Variants in MTA3 observed in about 807,000 individuals in gnomAD.
MTA3 encodes the protein metastasis associated 1 family member 3.
Under a neutral mutation model 83.5 loss-of-function variants are expected in MTA3, and 34 were observed. The ratio of observed to expected loss-of-function variants is 0.41; its 90% confidence interval spans 0.31 to 0.54. The LOEUF (loss-of-function observed/expected upper bound fraction) is 0.54, where lower values mean the gene tolerates loss of function less well. Among genes scored for constraint, MTA3 ranks in the 20% least tolerant of loss-of-function variants. The pLI is 0.33. For synonymous variants in MTA3, 303 were observed against 252.7 expected, an observed-to-expected ratio of 1.20 and a Z score of -1.89; for missense variants, 761 against 726.4, an observed-to-expected ratio of 1.05 and a Z score of -0.55.
chr2:42,712,827 A>C (rs1666732182), intron 14 of MTA3: 1 of 152,172 alleles, frequency 6.6e-6, no homozygotes, highest in Admixed American at 6.5e-5. Flanking sequence ...AACACAAATT[A>C]GTGAAGTGTT....
intron 6 of MTA3, among the ~76,000 whole-genome samples, chr2:42,646,829 T>C (rs1440813519): frequency 6.6e-6 from 1 of 152,034 alleles, no homozygotes; most frequent in East Asian, 1.9e-4. Flanking sequence ...GGCAAAGCAG[T>C]GGCAGGGTTT....
chr2:42,626,324 GT>G (rs1262413224), intron 4 of MTA3, among the ~76,000 whole-genome samples: 1 of 150,944 alleles, frequency 6.6e-6, no homozygotes, highest in Admixed American at 6.6e-5. Flanking sequence ...TTGATTCGGA[GT>G]CTCACTCTGT....
chr2:42,668,142 A>G (rs1690465390), intron 8 of MTA3, among the ~76,000 whole-genome samples: 3 of 152,320 alleles, frequency 2.0e-5, no homozygotes, highest in Admixed American at 1.3e-4. Flanking sequence ...TGATACGTGT[A>G]ACCAAGGATT....
chr2:42,513,927 G>A (rs551341368), intron 2 of MTA3, among the ~76,000 whole-genome samples: 43 of 152,282 alleles, frequency 2.8e-4, no homozygotes, highest in African/African-American at 9.4e-4. Context: ...AGAATCCCAA[G>A]TCTAGGCCAG....
chr2:42,583,341 G>A (rs1248897346), intron 3 of MTA3, among the ~76,000 whole-genome samples: 1 of 152,126 alleles, frequency 6.6e-6, no homozygotes, highest in African/African-American at 2.4e-5. Flanking sequence ...ATTTCTGTTG[G>A]TATTGACTAA....
intron 2 of MTA3, among the ~76,000 whole-genome samples, chr2:42,513,618 C>T (rs2103674094): frequency 6.6e-6 from 1 of 152,250 alleles, no homozygotes; most frequent in East Asian, 1.9e-4. Context: ...ATTTGGCCAG[C>T]CACATAGGAC....
chr2:42,595,356 T>A (rs1429446932), intron 3 of MTA3, among the ~76,000 whole-genome samples: 1 of 151,910 alleles, frequency 6.6e-6, no homozygotes, highest in Non-Finnish European at 1.5e-5. Context: ...GTGATCTGCC[T>A]GCCTCGGCCT....
At chr2:42,606,974 C>A (rs931587105) in intron 3 of MTA3, among the ~76,000 whole-genome samples, 47 of 150,570 alleles carry the variant, frequency 3.1e-4, no homozygotes, top group African/African-American at 1.0e-3. Context: ...CAGACTGAGG[C>A]AGGAGAATCA....
chr2:42,642,164 C>T (rs1558534246), intron 5 of MTA3, among the ~76,000 whole-genome samples: 1 of 152,214 alleles, frequency 6.6e-6, no homozygotes, highest in East Asian at 1.9e-4. Context: ...TTTTTTACAA[C>T]TTCTATTATA....
intron 2 of MTA3, among the ~76,000 whole-genome samples, chr2:42,561,015 C>T (rs371859478): frequency 3.9e-5 from 6 of 152,128 alleles, no homozygotes; most frequent in East Asian, 1.9e-4. Context: ...CATGGCCCAC[C>T]GGTCCCTATG....
intron 2 of MTA3, among the ~76,000 whole-genome samples, chr2:42,546,333 GTGT>G (rs1355167097): frequency 4.6e-5 from 7 of 152,272 alleles, no homozygotes; most frequent in Middle Eastern, 6.8e-3. Flanking sequence ...GAAGAAGCCT[GTGT>G]AGGATGCTGG....
At chr2:42,626,726 A>G (rs1250430153) in intron 4 of MTA3, among the ~76,000 whole-genome samples, 1 of 152,058 alleles carries the variant, frequency 6.6e-6, no homozygotes, top group African/African-American at 2.4e-5. Context: ...TTTTCCTAGT[A>G]TTAGCTCCTT....
chr2:42,662,794 C>T (rs923347179), intron 8 of MTA3, among the ~76,000 whole-genome samples: 10 of 149,172 alleles, frequency 6.7e-5, no homozygotes, highest in Non-Finnish European at 1.3e-4. Flanking sequence ...TGCAGTGGTG[C>T]GATCTCGGCT....
At chr2:42,621,121 C>A (rs1573333047) in intron 4 of MTA3, among the ~76,000 whole-genome samples, 1 of 119,748 alleles carries the variant, frequency 8.4e-6, no homozygotes, top group African/African-American at 3.0e-5. Flanking sequence ...AACAATGTTA[C>A]TCTTATTAGA....
intron 3 of MTA3, among the ~76,000 whole-genome samples, chr2:42,587,700 C>G (rs1188889888): frequency 6.6e-6 from 1 of 152,050 alleles, no homozygotes; most frequent in Non-Finnish European, 1.5e-5. Flanking sequence ...GGTAGGGATT[C>G]AAGTGATTCT....
At chr2:42,693,399 G>A (rs1693090684) in intron 9 of MTA3, among the ~76,000 whole-genome samples, 1 of 152,208 alleles carries the variant, frequency 6.6e-6, no homozygotes, top group Admixed American at 6.5e-5. Flanking sequence ...AAAAACCTTA[G>A]AAATTTGCCT....
intron 2 of MTA3, among the ~76,000 whole-genome samples, chr2:42,509,528 G>A (rs953820224): frequency 6.6e-6 from 1 of 152,126 alleles, no homozygotes; most frequent in Non-Finnish European, 1.5e-5. Context: ...TCAGCACTTT[G>A]GGAGACCAAG....
At chr2:42,519,722 G>A (rs985425238) in intron 2 of MTA3, among the ~76,000 whole-genome samples, 1 of 151,870 alleles carries the variant, frequency 6.6e-6, no homozygotes, top group Non-Finnish European at 1.5e-5. Context: ...GCAACATAAC[G>A]ATACCTTCAT....
intron 8 of MTA3, among the ~76,000 whole-genome samples, chr2:42,671,895 G>T (rs565715178): frequency 1.3e-5 from 2 of 152,124 alleles, no homozygotes; most frequent in African/African-American, 4.8e-5. Context: ...CATCAGACTA[G>T]TAAAAAAGGA....
Sources: gnomAD v4.1 joint callset for allele counts (sites outside exome capture counted in the v4.1 genomes callset) on GRCh38, gnomAD v4.1.1 for gene constraint, MANE v1.5 for transcripts, NCBI Gene and HGNC (gene_info 2026-07-23, HGNC 2026-07-21) for gene names.